The following MTUS2 variants were observed in gnomAD, a reference collection of about 807,000 sequenced individuals.
MTUS2 encodes the protein microtubule associated scaffold protein 2.
A neutral mutation model predicts 114.1 loss-of-function variants in MTUS2; 40 were observed. The observed-to-expected ratio is 0.35, with a 90% confidence interval of 0.27 to 0.46. The LOEUF (loss-of-function observed/expected upper bound fraction) is 0.46, where lower values mean the gene tolerates loss of function less well. Among genes scored for constraint, MTUS2 ranks in the 20% least tolerant of loss-of-function variants. MTUS2 has a pLI of 1.00. For missense variants in MTUS2, 1,679 were observed against 1,705.4 expected (o/e 0.98, Z 0.27); for synonymous variants, 688 against 672.0 (o/e 1.02, Z -0.37).
At chr13:28,834,275 C>CT (rs1489224704) in intron 1 of MTUS2, among the ~76,000 whole-genome samples, 2 of 152,072 alleles carry the variant, frequency 1.3e-5, no homozygotes, top group Non-Finnish European at 2.9e-5. Context: ...AATTTCAAAA[C>CT]TTAACACAAA....
At chr13:29,138,945 C>T (rs777417709) in intron 5 of MTUS2, among the ~76,000 whole-genome samples, 78 of 152,000 alleles carry the variant, frequency 5.1e-4, no homozygotes, top group Admixed American at 1.4e-3. Flanking sequence ...GCACATCTCC[C>T]ATCTGCTTTG....
rs78029064 is a variant in MTUS2, at chr13:29,459,922, A to T, written c.3184+19873A>T. ...CCTAAACTGTTCTGTCCCTCTCTTCACTCCACCAACCTCCCCAGGCTTCCT... is the reference window on the plus strand; with the variant it reads ...CCTAAACTGTTCTGTCCCTCTCTTCTCTCCACCAACCTCCCCAGGCTTCCT... On this transcript the variant is annotated intron_variant, in intron 9 of 15. Transcript: ENST00000612955. 1.6e-3 allele frequency among the ~76,000 whole-genome samples: 243 copies of T among 150,990 alleles called. 2 individuals carry two copies. In the East Asian group the frequency reaches 0.019, roughly 12 times the overall value.
At chr13:29,197,056 AT>A (rs1306817884) in intron 5 of MTUS2, among the ~76,000 whole-genome samples, 3 of 151,904 alleles carry the variant, frequency 2.0e-5, no homozygotes, top group East Asian at 1.9e-4. Flanking sequence ...TGGGTGTACA[AT>A]TTTTTTTATT....
At chr13:29,317,279 A>G (rs1900030817) in intron 6 of MTUS2, among the ~76,000 whole-genome samples, 1 of 152,218 alleles carries the variant, frequency 6.6e-6, no homozygotes, top group Admixed American at 6.5e-5. Context: ...CCCAGTATTC[A>G]GATTGTTTCT....
chr13:29,201,258 A>G (rs890194156), intron 5 of MTUS2, among the ~76,000 whole-genome samples: 1 of 151,754 alleles, frequency 6.6e-6, no homozygotes, highest in African/African-American at 2.4e-5. Context: ...CTTTATCACT[A>G]TGTAATGCCC....
intron 5 of MTUS2, among the ~76,000 whole-genome samples, chr13:29,135,548 G>T (rs190392079): frequency 6.6e-6 from 1 of 152,114 alleles, no homozygotes; most frequent in Non-Finnish European, 1.5e-5. Context: ...TGATAAGGAA[G>T]GACTGAGTTC....
Position 29,171,735 on chromosome 13 carries a change from C to A in MTUS2, c.2644+70765C>A, listed in dbSNP as rs572572245. Among the ~76,000 whole-genome samples the A allele has an allele frequency of 1.4e-4, 21 of 152,158 alleles. No homozygotes were observed. The East Asian group carries it at 2.9e-3, about 21-fold the overall frequency. ...GTTTATATGGCATGGTGTTAGGGAC[C>A]CAAGCTCCTTCTATTATATTTCTCT... On this transcript the variant is annotated intron_variant, in intron 5 of 15. Transcript: ENST00000612955.
intron 6 of MTUS2, among the ~76,000 whole-genome samples, chr13:29,284,461 G>C (rs144409647): frequency 3.1e-3 from 469 of 151,880 alleles, no homozygotes; most frequent in African/African-American, 0.011. Context: ...AGACTAAGAG[G>C]TACAGGTTAC....
intron 5 of MTUS2, among the ~76,000 whole-genome samples, chr13:29,203,149 G>T (rs1014602737): frequency 2.0e-5 from 3 of 152,196 alleles, no homozygotes; most frequent in African/African-American, 7.2e-5. Context: ...TCAGGGAGAC[G>T]GGAATTCTAT....
At chr13:28,984,920 C>G (rs112030248) in intron 2 of MTUS2, among the ~76,000 whole-genome samples, 58 of 152,300 alleles carry the variant, frequency 3.8e-4, no homozygotes, top group African/African-American at 1.2e-3. Context: ...GTTATAAAAA[C>G]AACCTCACAG....
At chr13:29,074,047 A>G (rs541738525) in intron 4 of MTUS2, among the ~76,000 whole-genome samples, 4 of 151,912 alleles carry the variant, frequency 2.6e-5, no homozygotes, top group South Asian at 2.1e-4. Context: ...CTGCCTCCCA[A>G]CTGATTTCCC....
chr13:29,132,881 G>A (rs1168365838), intron 5 of MTUS2, among the ~76,000 whole-genome samples: 1 of 152,188 alleles, frequency 6.6e-6, no homozygotes, highest in East Asian at 1.9e-4. Context: ...ATATCCAGAA[G>A]TAGAATTGCT....
At chr13:28,999,429 A>G (rs78400148) in intron 2 of MTUS2, among the ~76,000 whole-genome samples, 2 of 152,290 alleles carry the variant, frequency 1.3e-5, no homozygotes, top group South Asian at 4.1e-4. Flanking sequence ...TCAGACAGGG[A>G]CATAGTTTGT....
At chr13:29,051,166 A>G (rs1012512973) in intron 4 of MTUS2, among the ~76,000 whole-genome samples, 1 of 152,164 alleles carries the variant, frequency 6.6e-6, no homozygotes, top group African/African-American at 2.4e-5. Context: ...TACTGTCAGG[A>G]CAGCTGGGAG....
At chr13:29,344,076 T>TGA (rs1593327511) in intron 7 of MTUS2, among the ~76,000 whole-genome samples, 1 of 152,262 alleles carries the variant, frequency 6.6e-6, no homozygotes, top group East Asian at 1.9e-4. Flanking sequence ...GCCTATCATG[T>TGA]GGTCTATCTT....
At chr13:28,944,225 A>G (rs1882396659) in intron 2 of MTUS2, among the ~76,000 whole-genome samples, 1 of 152,278 alleles carries the variant, frequency 6.6e-6, no homozygotes, top group South Asian at 2.1e-4. Context: ...TATGCTGGGA[A>G]CATTTGAATT....
At chr13:29,102,112 T>G (rs191353490) in intron 5 of MTUS2, among the ~76,000 whole-genome samples, 1 of 152,350 alleles carries the variant, frequency 6.6e-6, no homozygotes, top group Admixed American at 6.5e-5. Flanking sequence ...ATTACATCAT[T>G]ACACAGTAGG....
At chr13:28,895,343 G>C (rs1403117999) in intron 2 of MTUS2, among the ~76,000 whole-genome samples, 1 of 152,134 alleles carries the variant, frequency 6.6e-6, no homozygotes, top group Non-Finnish European at 1.5e-5. Context: ...TGTTTTTCAT[G>C]CTAATTTGTG....
At chr13:29,394,693 T>C (rs1308755359) in intron 8 of MTUS2, among the ~76,000 whole-genome samples, 1 of 152,210 alleles carries the variant, frequency 6.6e-6, no homozygotes, top group Admixed American at 6.5e-5. Flanking sequence ...TTCTGTGGCC[T>C]GTTAGGAACC....
Sources: gnomAD v4.1 joint callset for allele counts (sites outside exome capture counted in the v4.1 genomes callset) on GRCh38, gnomAD v4.1.1 for gene constraint, MANE v1.5 for transcripts, NCBI Gene and HGNC (gene_info 2026-07-23, HGNC 2026-07-21) for gene names.